RANBP9: variants seen among roughly 807,000 people sequenced by gnomAD.
RANBP9 encodes ran-binding protein 9.
RANBP9 carries 15 observed loss-of-function variants against 84.3 expected under a neutral mutation model. That is an observed-to-expected ratio of 0.18 (90% CI 0.12 to 0.27). The LOEUF is 0.27. RANBP9 is among the 10% of genes least tolerant of loss of function. RANBP9 has a pLI of 1.00. For missense variants in RANBP9, 809 were observed against 912.8 expected (o/e 0.89, Z 1.46); for synonymous variants, 392 against 349.6 (o/e 1.12, Z -1.35).
intron 1 of RANBP9, among the ~76,000 whole-genome samples, chr6:13,703,756 G>T (rs868860993): frequency 6.6e-6 from 1 of 152,186 alleles, no homozygotes; most frequent in Non-Finnish European, 1.5e-5. Context: ...CATTTTAATA[G>T]AATAGAATTA....
rs1764580597 is a variant in RANBP9, at chr6:13,625,634, C to T, written c.2059+19G>A. ...TCAGAGAATCTAACTGAAATTGTGC[C>T]TTATTTGGCTTTACTTACCTAATAT... is the stretch of plus-strand genomic sequence containing the variant. On this transcript the variant is annotated intron_variant, in intron 13 of 13. Coordinates refer to ENST00000011619, the MANE Select transcript of RANBP9 (RefSeq NM_005493.3). The T allele has an allele frequency of 7.9e-6, 12 of 1,528,504 alleles. No homozygotes were observed. Among genetic ancestry groups the T allele is most frequent in the African/African-American group, 1.4e-5 (1 of 73,040 alleles). The allele number at this position is 1,528,504 out of a possible 1,614,324, so 94.7% of individuals were successfully genotyped here. A position where few individuals can be genotyped will look rare whatever the true frequency, so the allele number is the denominator to read the frequency against.
chr6:13,640,411 T>G (rs1765037818), intron 8 of RANBP9, among the ~76,000 whole-genome samples: 1 of 152,154 alleles, frequency 6.6e-6, no homozygotes. Flanking sequence ...CTTCTGGGTA[T>G]ATAACCAAAA....
chr6:13,635,809 CTTTT>C lies in RANBP9; in HGVS notation c.1674-1261_1674-1258del, dbSNP rs776246178. 2.1e-5 allele frequency among the ~76,000 whole-genome samples: 3 copies of C among 139,886 alleles called. No individual in the cohort carries two copies. The Admixed American group carries it at 2.2e-4, about 10-fold the overall frequency. The allele number at this position is 139,886 out of a possible 152,430, so 91.8% of individuals were successfully genotyped here. A position where few individuals can be genotyped will look rare whatever the true frequency, so the allele number is the denominator to read the frequency against. ...CAGTGGCTTTTTAAAAAATACTAAA[CTTTT>C]TTTTTTTTTTTGATAACTCAGTTTA... On this transcript the variant is annotated intron_variant, in intron 10 of 13. Coordinates refer to ENST00000011619, the MANE Select transcript of RANBP9 (RefSeq NM_005493.3).
At chr6:13,666,600 C>CAAAAAAAAAAAAAAAAAAAAAAAA (rs70989878) in intron 2 of RANBP9, among the ~76,000 whole-genome samples, 15 of 43,696 alleles carry the variant, frequency 3.4e-4, no homozygotes, top group Admixed American at 7.1e-4. Context: ...CCCGTCTCTC[C>CAAAAAAAAAAAAAAAAAAAAAAAA]AAAAAAAAAA....
At chr6:13,688,409 C>T (rs946628371) in intron 2 of RANBP9, among the ~76,000 whole-genome samples, 2 of 152,168 alleles carry the variant, frequency 1.3e-5, no homozygotes, top group Non-Finnish European at 2.9e-5. Flanking sequence ...CTGATCACCA[C>T]CCTGTCTTCC....
chr6:13,705,827 C>T (rs1005965870), intron 1 of RANBP9, among the ~76,000 whole-genome samples: 1 of 143,794 alleles, frequency 7.0e-6, no homozygotes, highest in South Asian at 2.2e-4. Context: ...CGCGCCACTG[C>T]CCTGCAGCCT....
At chr6:13,696,008 T>C (rs1766435425) in intron 2 of RANBP9, among the ~76,000 whole-genome samples, 1 of 151,222 alleles carries the variant, frequency 6.6e-6, no homozygotes, top group African/African-American at 2.5e-5. Context: ...AAGAGACCTC[T>C]GATATGCAAT....
intron 2 of RANBP9, among the ~76,000 whole-genome samples, chr6:13,675,134 T>C (rs1175840826): frequency 1.3e-5 from 2 of 152,224 alleles, no homozygotes; most frequent in Admixed American, 1.3e-4. Flanking sequence ...AGTAAACATA[T>C]AGTCAAACTG....
intron 1 of RANBP9, among the ~76,000 whole-genome samples, chr6:13,705,461 T>G (rs1426342119): frequency 6.6e-6 from 1 of 150,386 alleles, no homozygotes; most frequent in Non-Finnish European, 1.5e-5. Context: ...TTGTCTACTG[T>G]TCTGCATGAT....
At chr6:13,632,661 T>C (rs995555024) in intron 11 of RANBP9, 140 bp from the exon 12 acceptor site, 1 of 831,922 alleles carries the variant, frequency 1.2e-6, no homozygotes, top group South Asian at 1.8e-5. Flanking sequence ...TTGTTAAAAA[T>C]TCATTTTTAA....
intron 2 of RANBP9, among the ~76,000 whole-genome samples, chr6:13,674,219 G>C (rs1309938378): frequency 6.6e-6 from 1 of 150,476 alleles, no homozygotes; most frequent in East Asian, 1.9e-4. Context: ...CCAATTAAAA[G>C]ACAGAACTGA....
At chr6:13,646,826 C>T (rs1233825345) in intron 5 of RANBP9, among the ~76,000 whole-genome samples, 1 of 152,012 alleles carries the variant, frequency 6.6e-6, no homozygotes, top group South Asian at 2.1e-4. Flanking sequence ...ACAAAGACTA[C>T]CAGTTCAAAT....
Position 13,693,440 on chromosome 6 carries a change from C to G in RANBP9, c.683+3345G>C, listed in dbSNP as rs560867318. ...TAAGATCAACAGGAACTCTCATACACTGCTGGTAGAAATGCAAACCAGTGG... is the reference window on the plus strand; with the variant it reads ...TAAGATCAACAGGAACTCTCATACAGTGCTGGTAGAAATGCAAACCAGTGG... On this transcript the variant is annotated intron_variant, in intron 2 of 13. Coordinates refer to ENST00000011619, the MANE Select transcript of RANBP9 (RefSeq NM_005493.3). 4.6e-5 allele frequency among the ~76,000 whole-genome samples: 7 copies of G among 152,250 alleles called. No individual in the cohort carries two copies. In the South Asian group the frequency reaches 1.5e-3, roughly 32 times the overall value.
chr6:13,676,948 G>T (rs1171253949), intron 2 of RANBP9, among the ~76,000 whole-genome samples: 1 of 152,090 alleles, frequency 6.6e-6, no homozygotes, highest in East Asian at 1.9e-4. Flanking sequence ...TTTAAGACCA[G>T]GAAAAAGGCA....
At chr6:13,709,255 T>C (rs1042988531) in intron 1 of RANBP9, among the ~76,000 whole-genome samples, 3 of 152,154 alleles carry the variant, frequency 2.0e-5, no homozygotes, top group African/African-American at 7.2e-5. Context: ...AGCTGGAAAT[T>C]TCCTTACCAA....
chr6:13,697,576 C>T (rs1332821646), intron 1 of RANBP9, among the ~76,000 whole-genome samples: 1 of 152,168 alleles, frequency 6.6e-6, no homozygotes, highest in South Asian at 2.1e-4. Flanking sequence ...TAGATAATGG[C>T]TTTCAAACTT....
intron 12 of RANBP9, among the ~76,000 whole-genome samples, chr6:13,628,509 A>T (rs1426334957): frequency 6.6e-6 from 1 of 152,264 alleles, no homozygotes; most frequent in Admixed American, 6.5e-5. Flanking sequence ...ATAAGGTTTT[A>T]AATGAAGGAA....
intron 2 of RANBP9, among the ~76,000 whole-genome samples, chr6:13,665,445 T>A (rs1474459100): frequency 6.6e-6 from 1 of 152,126 alleles, no homozygotes. Context: ...GAGATACAAC[T>A]GCATACCTGC....
chr6:13,656,451 T>C (rs115619838), intron 4 of RANBP9, among the ~76,000 whole-genome samples: 74 of 152,262 alleles, frequency 4.9e-4, no homozygotes, highest in African/African-American at 1.7e-3. Flanking sequence ...CATATAACTT[T>C]AAATTTGAAG....
Sources: gnomAD v4.1 joint callset for allele counts (sites outside exome capture counted in the v4.1 genomes callset) on GRCh38, gnomAD v4.1.1 for gene constraint, MANE v1.5 for transcripts, NCBI Gene and HGNC (gene_info 2026-07-23, HGNC 2026-07-21) for gene names.